DDX31: variants seen among roughly 807,000 people sequenced by gnomAD.
DDX31 encodes ATP-dependent DNA helicase DDX31.
In DDX31, 70 loss-of-function variants were observed where a neutral mutation model predicts 91.3. The observed-to-expected ratio is 0.77, with a 90% CI of 0.63 to 0.94. The LOEUF (loss-of-function observed/expected upper bound fraction) is 0.94. Among genes scored for constraint, DDX31 ranks in the 40% least tolerant of loss-of-function variants. The pLI is 0.00. For synonymous variants in DDX31, 362 were observed against 350.6 expected, an observed-to-expected ratio of 1.03 and a Z score of -0.36; for missense variants, 902 against 925.0, an observed-to-expected ratio of 0.98 and a Z score of 0.32.
intron 19 of DDX31, among the ~76,000 whole-genome samples, chr9:132,609,987 C>A (rs986634330): frequency 4.6e-5 from 7 of 152,304 alleles, no homozygotes; most frequent in African/African-American, 1.7e-4. Context: ...GTCACCATTG[C>A]CGAGATGGTA....
At chr9:132,642,641 C>CAA (rs750890723) in intron 13 of DDX31, among the ~76,000 whole-genome samples, 1 of 132,218 alleles carries the variant, frequency 7.6e-6, no homozygotes, top group African/African-American at 2.7e-5. Context: ...TGCAGCTTTC[C>CAA]AAAAAAAAAA....
intron 1 of DDX31, among the ~76,000 whole-genome samples, chr9:132,666,712 GTT>G (rs777577208): frequency 1.4e-5 from 2 of 140,074 alleles, no homozygotes; most frequent in Non-Finnish European, 3.1e-5. Flanking sequence ...TTTTGTTTTT[GTT>G]TTTTTTTTTT....
chr9:132,621,396 C>A (rs1045322052), intron 17 of DDX31, among the ~76,000 whole-genome samples: 1 of 152,180 alleles, frequency 6.6e-6, no homozygotes, highest in Non-Finnish European at 1.5e-5. Context: ...CAAATTTATT[C>A]TCTTTGTAGG....
chr9:132,627,084 CTTCTA>C (rs1234471169), intron 16 of DDX31, among the ~76,000 whole-genome samples: 4 of 152,086 alleles, frequency 2.6e-5, no homozygotes, highest in East Asian at 1.9e-4. Context: ...GTCTGATTTG[CTTCTA>C]TTCATCACTT....
chr9:132,594,975 A>AG lies in DDX31; in HGVS notation c.2131dup (p.Leu711ProfsTer73). On this transcript the variant is annotated frameshift_variant, in exon 20 of 20. Coordinates refer to ENST00000372159, the MANE Select transcript of DDX31 (RefSeq NM_022779.9). LOFTEE classifies it low-confidence loss of function (END_TRUNC). Reference sequence around the variant, plus strand: ...GGGTGTCGGCTGCAGACTGTGCTGCAGGGGCCGGCCACCAGGCTCTCCAGG... The same window carrying AG: ...GGGTGTCGGCTGCAGACTGTGCTGCAGGGGGCCGGCCACCAGGCTCTCCAGG... 1.9e-6 allele frequency: 3 copies of AG among 1,614,190 alleles called. No individual in the cohort carries two copies. The highest frequency in any genetic ancestry group is 2.5e-6 in the Non-Finnish European group (3 of 1,180,042).
intron 13 of DDX31, among the ~76,000 whole-genome samples, chr9:132,643,789 G>A (rs1833648120): frequency 6.6e-6 from 1 of 152,092 alleles, no homozygotes; most frequent in South Asian, 2.1e-4. Context: ...TGTCCAGTCT[G>A]CTGCACGGTC....
chr9:132,627,229 A>T (rs952752704), intron 16 of DDX31, among the ~76,000 whole-genome samples: 1 of 152,250 alleles, frequency 6.6e-6, no homozygotes, highest in African/African-American at 2.4e-5. Context: ...AATATGCCAC[A>T]GAACAGTAAG....
At chr9:132,624,477 A>G (rs890399605) in intron 17 of DDX31, among the ~76,000 whole-genome samples, 5 of 152,218 alleles carry the variant, frequency 3.3e-5, no homozygotes, top group African/African-American at 4.8e-5. Context: ...TATTTAGAAA[A>G]AGACTCAATT....
At chr9:132,669,429 T>C (rs1835562868) in intron 1 of DDX31, 1 of 453,516 alleles carries the variant, frequency 2.2e-6, no homozygotes, top group African/African-American at 2.1e-5. Flanking sequence ...AATTTATGGT[T>C]TGTAGGGCAT....
intron 3 of DDX31, 136 bp from the exon 4 acceptor site, chr9:132,661,387 T>G (rs1834933316): frequency 2.6e-6 from 2 of 772,444 alleles, no homozygotes; most frequent in African/African-American, 1.8e-5. Flanking sequence ...CAGGTGGTGC[T>G]CTCTACTTGG....
intron 18 of DDX31, among the ~76,000 whole-genome samples, chr9:132,616,722 AG>A (rs1394034946): frequency 8.8e-5 from 13 of 147,508 alleles, no homozygotes; most frequent in African/African-American, 3.2e-4. Context: ...GTAGCAAGGT[AG>A]GAAAACCCTT....
chr9:132,651,029 T>C (rs201238646), intron 8 of DDX31, 46 bp downstream of exon 8: 1 of 1,554,844 alleles, frequency 6.4e-7, no homozygotes, highest in South Asian at 1.2e-5. Context: ...AAATCCTTCC[T>C]CAAAGTCAGC....
At chr9:132,657,322 C>A (rs759143028) in intron 6 of DDX31, among the ~76,000 whole-genome samples, 1 of 152,206 alleles carries the variant, frequency 6.6e-6, no homozygotes, top group Non-Finnish European at 1.5e-5. Flanking sequence ...AATTTCCACA[C>A]ACCCTTCTCT....
At chr9:132,638,228 CTAA>C in intron 14 of DDX31, 3 of 1,565,994 alleles carry the variant, frequency 1.9e-6, no homozygotes, top group Non-Finnish European at 2.6e-6. Context: ...AACAGAAAAC[CTAA>C]TGTCAGCCTT....
In DDX31 at chr9:132,669,868, C is replaced by T. The variant is rs1451423764; in HGVS notation, c.67G>A (p.Ala23Thr). 1.6e-5 allele frequency: 25 copies of T among 1,588,738 alleles called. 1 individual carries two copies. In the Admixed American group the frequency reaches 4.0e-4, roughly 26 times the overall value. The change falls in exon 1 of 20, where the codon GCG becomes ACG. Residue 23 changes from alanine to threonine, a missense_variant. Coordinates refer to ENST00000372159, the MANE Select transcript of DDX31 (RefSeq NM_022779.9). ...GCCGGGTCAGAACTCACCCGACTCG[C>T]CTGGGCTGGGGGACGTCTGGAGAAC... is the stretch of plus-strand genomic sequence containing the variant. ...RTFSRRPPAQ[A>T]SRQAKATKRK... is the part of the protein sequence containing the mutation.
intron 18 of DDX31, among the ~76,000 whole-genome samples, chr9:132,616,600 C>G (rs1831641318): frequency 6.6e-6 from 1 of 152,212 alleles, no homozygotes. Flanking sequence ...TTGTTATGTA[C>G]TGCACAGCCA....
chr9:132,610,573 G>A (rs949516905), intron 19 of DDX31, among the ~76,000 whole-genome samples: 3 of 151,994 alleles, frequency 2.0e-5, no homozygotes, highest in Non-Finnish European at 4.4e-5. Context: ...TTTTTAGCTT[G>A]TAAGAACCTT....
intron 19 of DDX31, among the ~76,000 whole-genome samples, chr9:132,605,412 C>T (rs577081334): frequency 6.6e-6 from 1 of 152,276 alleles, no homozygotes; most frequent in Non-Finnish European, 1.5e-5. Context: ...CTGCAGAGTT[C>T]AGGGTTTGGG....
chr9:132,668,828 A>G (rs993467032), intron 1 of DDX31, among the ~76,000 whole-genome samples: 1 of 152,154 alleles, frequency 6.6e-6, no homozygotes, highest in Non-Finnish European at 1.5e-5. Context: ...TCGGCCTCCC[A>G]AAGTGCTGGG....
Sources: allele counts gnomAD v4.1 joint callset (sites outside exome capture counted in the v4.1 genomes callset), GRCh38; gene constraint gnomAD v4.1.1; transcripts MANE v1.5; gene names NCBI Gene and HGNC (gene_info 2026-07-23, HGNC 2026-07-21).